Variants in N4BP2 observed in about 807,000 individuals in gnomAD.
The protein encoded by N4BP2 is NEDD4 binding protein 2.
In N4BP2, 91 loss-of-function variants were observed where a neutral mutation model predicts 152.8. That is an observed-to-expected ratio of 0.60 (90% CI 0.50 to 0.71). The LOEUF (loss-of-function observed/expected upper bound fraction) is 0.71. Ranked by LOEUF, N4BP2 falls within the 30% of genes least tolerant of loss-of-function variation. The pLI is 0.00. For missense variants in N4BP2, 1,923 were observed against 2,059.1 expected (o/e 0.93, Z 1.28); for synonymous variants, 646 against 705.3 (o/e 0.92, Z 1.33).
chr4:40,147,909 G>A (rs1720748006), intron 16 of N4BP2, among the ~76,000 whole-genome samples: 1 of 151,470 alleles, frequency 6.6e-6, no homozygotes, highest in Non-Finnish European at 1.5e-5. Context: ...GGGCAGAGGC[G>A]CTCCCCACAT....
chr4:40,162,910 A>C (rs1428510514), downstream of N4BP2, among the ~76,000 whole-genome samples: 1 of 152,192 alleles, frequency 6.6e-6, no homozygotes, highest in African/African-American at 2.4e-5. Context: ...CTTTCAGTTC[A>C]AGTGTGAAGT....
chr4:40,174,719 T>A, the N4BP2 span, among the ~76,000 whole-genome samples: 1 of 152,018 alleles, frequency 6.6e-6, no homozygotes, highest in East Asian at 1.9e-4. Flanking sequence ...AGAGAATCGC[T>A]TGAGCCTGGG....
At chr4:40,124,503 C>T (rs1270087869) in intron 11 of N4BP2, among the ~76,000 whole-genome samples, 4 of 152,014 alleles carry the variant, frequency 2.6e-5, no homozygotes, top group East Asian at 1.9e-4. Flanking sequence ...CGCACCACCA[C>T]ACCTGGCTAA....
intron 16 of N4BP2, among the ~76,000 whole-genome samples, chr4:40,148,515 A>G (rs1488708975): frequency 6.6e-6 from 1 of 151,980 alleles, no homozygotes; most frequent in East Asian, 1.9e-4. Context: ...CGGCTTTTTT[A>G]GGTTCCACAT....
the N4BP2 span, among the ~76,000 whole-genome samples, chr4:40,179,759 CTTTT>C: frequency 3.7e-5 from 4 of 109,132 alleles, no homozygotes; most frequent in African/African-American, 3.4e-5. Context: ...TAAAGCCTTT[CTTTT>C]TTTTTTTTTT....
At chr4:40,081,298 T>C (rs1713343789) in intron 2 of N4BP2, among the ~76,000 whole-genome samples, 1 of 152,160 alleles carries the variant, frequency 6.6e-6, no homozygotes, top group Non-Finnish European at 1.5e-5. Context: ...TGTGTCTGGG[T>C]AGATTATATT....
chr4:40,094,813 A>T (rs1468985837), intron 2 of N4BP2, among the ~76,000 whole-genome samples: 1 of 151,002 alleles, frequency 6.6e-6, no homozygotes, highest in Non-Finnish European at 1.5e-5. Flanking sequence ...CGACCTCCCA[A>T]AACGCTGGGA....
At chr4:40,141,519 T>C (rs1380013807) in intron 14 of N4BP2, among the ~76,000 whole-genome samples, 5 of 146,156 alleles carry the variant, frequency 3.4e-5, no homozygotes, top group African/African-American at 1.3e-4. Flanking sequence ...CCTCACTTCC[T>C]AGATGGGATG....
the N4BP2 span, among the ~76,000 whole-genome samples, chr4:40,170,016 TAAGAA>T: frequency 0.015 from 2,294 of 149,128 alleles, 30 homozygotes; most frequent in Non-Finnish European, 0.024. Context: ...AGGAGGAAAT[TAAGAA>T]AAGACTCATA....
At chr4:40,109,358 C>G (rs1716639554) in intron 5 of N4BP2, among the ~76,000 whole-genome samples, 1 of 152,000 alleles carries the variant, frequency 6.6e-6, no homozygotes, top group Non-Finnish European at 1.5e-5. Flanking sequence ...CCCAGTGTCC[C>G]CTTTGTAAAA....
chr4:40,103,050 T>A lies in N4BP2; in HGVS notation c.1205T>A (p.Ile402Asn). The A allele has an allele frequency of 6.2e-7, 1 of 1,614,192 alleles. No individual in the cohort carries two copies. Among genetic ancestry groups the A allele is most frequent in the Non-Finnish European group, 8.5e-7 (1 of 1,180,032 alleles). The change falls in exon 4 of 18, where the codon ATT (isoleucine) becomes AAT (asparagine). Residue 402 changes from isoleucine to asparagine, a missense_variant. Transcript: ENST00000261435. ...AACTACACATTTCCACCCTCAGTTATTTCTCACACTTCCCCAACAAAAGTA... is the reference window on the plus strand; with the variant it reads ...AACTACACATTTCCACCCTCAGTTAATTCTCACACTTCCCCAACAAAAGTA... ...SVNYTFPPSV[I>N]SHTSPTKVWR...
chr4:40,131,782 T>A lies in N4BP2; in HGVS notation c.4528-19T>A. On this transcript the variant is annotated intron_variant, in intron 12 of 17. Transcript: ENST00000261435. Reference sequence around the variant, plus strand: ...TTACACATTTCATCTTGAACATGATTTTTATGTTTTTGTTTTAGAAAAGGG... The same window carrying A: ...TTACACATTTCATCTTGAACATGATATTTATGTTTTTGTTTTAGAAAAGGG... 1 of 1,559,884 alleles carries A rather than the reference T, an allele frequency of 6.4e-7. No individual in the cohort carries two copies. Among genetic ancestry groups the A allele is most frequent in the Non-Finnish European group, 8.8e-7 (1 of 1,132,982 alleles).
At chr4:40,143,093 T>G (rs1720191436) in intron 15 of N4BP2, among the ~76,000 whole-genome samples, 1 of 152,206 alleles carries the variant, frequency 6.6e-6, no homozygotes, top group Admixed American at 6.5e-5. Flanking sequence ...CATTTACTGC[T>G]TATGTGAATT....
chr4:40,130,541 G>A (rs1718820187), intron 12 of N4BP2, among the ~76,000 whole-genome samples: 1 of 151,584 alleles, frequency 6.6e-6, no homozygotes, highest in Admixed American at 6.6e-5. Flanking sequence ...TTTGATATAG[G>A]GTATCACTCT....
Position 40,138,062 on chromosome 4 carries a change from G to A in N4BP2, c.4785+980G>A, listed in dbSNP as rs1159085639. Among the ~76,000 whole-genome samples the A allele has an allele frequency of 2.0e-5, 3 of 152,194 alleles. No homozygotes were observed. In the East Asian group the frequency reaches 5.8e-4, roughly 29 times the overall value. On this transcript the variant is annotated intron_variant, in intron 14 of 17. Transcript: ENST00000261435. The stretch of plus-strand genomic sequence containing the variant: ...AATGGATGGAGATGAGGGGGCAGGA[G>A]GAGCAGCCTCTCTAGTGTCATGAAG...
At chr4:40,087,794 C>T (rs927743742) in intron 2 of N4BP2, among the ~76,000 whole-genome samples, 3 of 151,658 alleles carry the variant, frequency 2.0e-5, no homozygotes, top group African/African-American at 7.3e-5. Context: ...TCTCTGTTGC[C>T]CAGGCTGAAT....
chr4:40,137,062 C>T lies in N4BP2; in HGVS notation c.4765C>T (p.Gln1589Ter). 1.9e-6 allele frequency: 3 copies of T among 1,612,670 alleles called. No homozygotes were observed. Among genetic ancestry groups the T allele is most frequent in the Non-Finnish European group, 2.5e-6 (3 of 1,179,416 alleles). The part of the protein sequence containing the change: ...QNENVTSHTG[Q>*]KSKEKKPKKL... ...TGAGAATGTCACATCTCATACTGGC[C>T]AGAAGTCTAAAGAGAAAAAGGTATG... The change falls in exon 14 of 18, where the codon CAG (glutamine) becomes TAG (stop). Residue 1589 changes from glutamine (Q) to a stop codon, truncating the protein, a stop_gained. Coordinates refer to ENST00000261435, the MANE Select transcript of N4BP2 (RefSeq NM_018177.6). LOFTEE classifies it high-confidence loss of function.
rs77432881 is a variant in N4BP2, at chr4:40,090,359, A to G, written c.-114-6868A>G. Among the ~76,000 whole-genome samples the G allele has an allele frequency of 5.8e-3, 885 of 152,288 alleles. 9 individuals carry two copies. Among genetic ancestry groups the G allele is most frequent in the African/African-American group, 0.02 (850 of 41,550 alleles). On this transcript the variant is annotated intron_variant, in intron 2 of 17. Transcript: ENST00000261435. ...GGCATTTTCTTAAACGTGTATATCAATTTGGGGAAGAATTGACATATTTAC... is the reference window on the plus strand; with the variant it reads ...GGCATTTTCTTAAACGTGTATATCAGTTTGGGGAAGAATTGACATATTTAC...
At chr4:40,149,915 A>G (rs572327996) in intron 16 of N4BP2, among the ~76,000 whole-genome samples, 22 of 151,946 alleles carry the variant, frequency 1.4e-4, no homozygotes, top group African/African-American at 3.1e-4. Flanking sequence ...AAAAAAAAAA[A>G]AAAGAAAGAA....
Sources: allele counts gnomAD v4.1 joint callset (sites outside exome capture counted in the v4.1 genomes callset), GRCh38; gene constraint gnomAD v4.1.1; transcripts MANE v1.5; gene names NCBI Gene and HGNC (gene_info 2026-07-23, HGNC 2026-07-21).